Variants in NREP observed in about 807,000 individuals in gnomAD.
NREP encodes neuronal regeneration related protein.
NREP carries 5 observed loss-of-function variants against 8.6 expected under a neutral mutation model. The ratio of observed to expected loss-of-function variants is 0.58; its 90% CI spans 0.30 to 1.22. The LOEUF (loss-of-function observed/expected upper bound fraction) is 1.22. Ranked by LOEUF, NREP falls within the 50% of genes most tolerant of loss-of-function variation. NREP has a pLI of 0.07. For missense variants in NREP, 86 were observed against 82.5 expected (o/e 1.04, Z -0.17); for synonymous variants, 27 against 28.0 (o/e 0.96, Z 0.11).
chr5:111,919,201 G>A (rs112632865), intron 2 of NREP, among the ~76,000 whole-genome samples: 1 of 151,946 alleles, frequency 6.6e-6, no homozygotes, highest in African/African-American at 2.4e-5. Context: ...AGTTAGAATG[G>A]CAATCATTAG....
At chr5:111,813,238 T>G (rs1481257735) in intron 2 of NREP, among the ~76,000 whole-genome samples, 1 of 152,206 alleles carries the variant, frequency 6.6e-6, no homozygotes, top group Non-Finnish European at 1.5e-5. Flanking sequence ...ATTTCATCTA[T>G]AGACTTTTCT....
At chr5:111,974,937 C>A (rs903310528) in intron 2 of NREP, among the ~76,000 whole-genome samples, 22 of 152,174 alleles carry the variant, frequency 1.4e-4, no homozygotes, top group Non-Finnish European at 1.3e-4. Context: ...ATACTGAGAA[C>A]AAAGACCACG....
At chr5:111,955,486 A>C (rs1057221275) in intron 2 of NREP, among the ~76,000 whole-genome samples, 4 of 123,238 alleles carry the variant, frequency 3.2e-5, no homozygotes, top group Non-Finnish European at 7.7e-5. Context: ...AAAAAACAAA[A>C]AACAAAAAAC....
At chr5:111,731,430 T>TAAAA (rs11376552) in intron 3 of NREP, among the ~76,000 whole-genome samples, 38 of 141,500 alleles carry the variant, frequency 2.7e-4, no homozygotes, top group Admixed American at 1.2e-3. Flanking sequence ...TTGATAATTA[T>TAAAA]AAAAAAAAAA....
At chr5:111,898,438 T>C (rs976181696) in intron 2 of NREP, among the ~76,000 whole-genome samples, 1 of 152,120 alleles carries the variant, frequency 6.6e-6, no homozygotes, top group East Asian at 1.9e-4. Context: ...TGTTACCAAC[T>C]GAGACGGGGA....
At chr5:111,834,508 T>C (rs1157490362) in intron 2 of NREP, among the ~76,000 whole-genome samples, 1 of 152,212 alleles carries the variant, frequency 6.6e-6, no homozygotes, top group South Asian at 2.1e-4. Flanking sequence ...AATGCAGTAA[T>C]ATTTGGAAAC....
rs77349207 is a variant in NREP, at chr5:111,756,086, T to C, written c.-58-256A>G. ...TCTTAGTGTTTGGTTCATCTTTAAA[T>C]TGCATGAGTTCAAAAGGTTTAGCAA... On this transcript the variant is annotated intron_variant, in intron 1 of 3. Coordinates refer to ENST00000257435, the MANE Select transcript of NREP (RefSeq NM_004772.4). 2,801 of 1,157,990 alleles carry C rather than the reference T, an allele frequency of 2.4e-3. 31 individuals carry two copies. In the East Asian group the frequency reaches 0.039, roughly 16 times the overall value. 71.7% of individuals were successfully genotyped at this position (1,157,990 alleles called of 1,614,324 possible). A position where few individuals can be genotyped will look rare whatever the true frequency, so the allele number is the denominator to read the frequency against.
chr5:111,851,477 T>C (rs1409171499), intron 2 of NREP, among the ~76,000 whole-genome samples: 1 of 152,126 alleles, frequency 6.6e-6, no homozygotes, highest in East Asian at 1.9e-4. Flanking sequence ...AGTTCCAATA[T>C]AAAGAGAGAA....
At chr5:111,871,520 T>G (rs1753790694) in intron 2 of NREP, among the ~76,000 whole-genome samples, 1 of 152,124 alleles carries the variant, frequency 6.6e-6, no homozygotes, top group Admixed American at 6.6e-5. Context: ...TAGTTTTATT[T>G]CTCTAATAAT....
intron 2 of NREP, among the ~76,000 whole-genome samples, chr5:111,937,916 T>G (rs563536044): frequency 6.6e-6 from 1 of 152,156 alleles, no homozygotes; most frequent in South Asian, 2.1e-4. Flanking sequence ...ACCTCCAACT[T>G]ATGCCTGCTC....
At chr5:111,756,247 A>G (rs1212914707) in intron 1 of NREP, 1 of 974,854 alleles carries the variant, frequency 1.0e-6, no homozygotes, top group Admixed American at 6.9e-5. Flanking sequence ...GTAATGCCTC[A>G]GAGTGGATAT....
intron 2 of NREP, among the ~76,000 whole-genome samples, chr5:111,851,535 T>C (rs890794831): frequency 3.3e-5 from 5 of 152,130 alleles, no homozygotes; most frequent in East Asian, 1.9e-4. Context: ...CGTTGATCTG[T>C]TGATGGACAC....
At chr5:111,972,249 G>A (rs996398633) in intron 2 of NREP, among the ~76,000 whole-genome samples, 1 of 152,178 alleles carries the variant, frequency 6.6e-6, no homozygotes, top group Non-Finnish European at 1.5e-5. Flanking sequence ...GTATGGATGA[G>A]AATGTAGTGT....
chr5:111,827,904 C>T (rs1385249584), intron 2 of NREP, among the ~76,000 whole-genome samples: 4 of 152,124 alleles, frequency 2.6e-5, no homozygotes, highest in African/African-American at 4.8e-5. Context: ...TCTGGAGATC[C>T]AAGACAGTAC....
intron 2 of NREP, among the ~76,000 whole-genome samples, chr5:111,800,085 C>CT (rs750853784): frequency 0.44 from 62,387 of 140,916 alleles, 14,264 homozygotes; most frequent in Middle Eastern, 0.57. Flanking sequence ...ACGCCAACTA[C>CT]TTTTTTTTTT....
chr5:111,815,370 G>A (rs185424933), intron 2 of NREP, among the ~76,000 whole-genome samples: 366 of 152,196 alleles, frequency 2.4e-3, no homozygotes, highest in African/African-American at 8.2e-3. Context: ...TTTCTCTCTA[G>A]AAGAAAAGTG....
chr5:111,921,893 C>T (rs1179095982), intron 2 of NREP, among the ~76,000 whole-genome samples: 1 of 152,050 alleles, frequency 6.6e-6, no homozygotes, highest in Non-Finnish European at 1.5e-5. Flanking sequence ...CAGGGGTTTC[C>T]ACTTTTGCTT....
chr5:111,976,603 G>T, intron 1 of NREP: 1 of 840,252 alleles, frequency 1.2e-6, no homozygotes, highest in Non-Finnish European at 1.9e-6. Context: ...AAATGAACAA[G>T]GTTAAAATGG....
Position 111,956,623 on chromosome 5 carries a change from G to C in NREP, c.135+18651C>G, listed in dbSNP as rs371368985. Among the ~76,000 whole-genome samples, 3 of 152,020 alleles carry C rather than the reference G, an allele frequency of 2.0e-5. No homozygotes were observed. The East Asian group carries it at 5.8e-4, about 29-fold the overall frequency. On this transcript the variant is annotated intron_variant, in intron 2 of 3. Coordinates refer to the NREP transcript ENST00000395634. ...AAAAACAATATTTTTTAAAAAGCTA[G>C]TGGTTGACAGTTATCCAGAAGTAAA...
Sources: allele counts gnomAD v4.1 joint callset (sites outside exome capture counted in the v4.1 genomes callset), GRCh38; gene constraint gnomAD v4.1.1; transcripts MANE v1.5; gene names NCBI Gene and HGNC (gene_info 2026-07-23, HGNC 2026-07-21).